Variants in SOX6 observed in about 807,000 individuals in gnomAD.
The protein encoded by SOX6 is transcription factor SOX-6.
In SOX6, 11 loss-of-function variants were observed where a neutral mutation model predicts 97.8. That is an observed-to-expected ratio of 0.11 (90% confidence interval 0.07 to 0.19). The LOEUF (loss-of-function observed/expected upper bound fraction) is 0.19, where lower values mean the gene tolerates loss of function less well. Ranked by LOEUF, SOX6 falls within the 10% of genes least tolerant of loss-of-function variation. The probability of loss-of-function intolerance (pLI) is 1.00; values close to 1 mark genes in which losing one functional copy is unlikely to be tolerated. For synonymous variants in SOX6, 360 were observed against 371.4 expected, an observed-to-expected ratio of 0.97 and a Z score of 0.35; for missense variants, 810 against 1,039.5, an observed-to-expected ratio of 0.78 and a Z score of 3.04.
At position 16,234,465 on chromosome 11, in the gene SOX6, C is replaced by A. The variant is rs569129676; in HGVS notation, c.535+117G>T. 2.3e-5 allele frequency: 15 copies of A among 652,698 alleles called. No individual in the cohort carries two copies. The African/African-American group carries it at 2.4e-4, about 10-fold the overall frequency. The allele number at this position is 652,698 out of a possible 1,614,324, so 40.4% of individuals were successfully genotyped here. ...CCTATAATATTCACCCTCTCATGTA[C>A]AATCAAATGTTACATGTAAGATTTA... On this transcript the variant is annotated intron_variant, in intron 4 of 15. Transcript: ENST00000683767.
chr11:16,482,960 T>C (rs1297407980), intron 4 of SOX6, among the ~76,000 whole-genome samples: 2 of 152,254 alleles, frequency 1.3e-5, no homozygotes, highest in African/African-American at 4.8e-5. Context: ...TGTCTTAATG[T>C]GTGCTAAGGC....
intron 1 of SOX6, among the ~76,000 whole-genome samples, chr11:16,432,453 G>A (rs889192644): frequency 6.6e-6 from 1 of 152,038 alleles, no homozygotes; most frequent in African/African-American, 2.4e-5. Flanking sequence ...TCACTCTTAA[G>A]AGTTTTAAAT....
intron 3 of SOX6, among the ~76,000 whole-genome samples, chr11:16,651,601 A>C (rs1449716379): frequency 6.6e-6 from 1 of 152,036 alleles, no homozygotes; most frequent in African/African-American, 2.4e-5. Context: ...CCTCAGCAAA[A>C]TTGGCATAGA....
intron 13 of SOX6, among the ~76,000 whole-genome samples, chr11:15,990,025 G>A (rs1391135588): frequency 1.1e-4 from 17 of 152,082 alleles, no homozygotes; most frequent in Non-Finnish European, 2.2e-4. Context: ...GTGGGAGAGG[G>A]AGTAAAGTCT....
chr11:16,706,692 G>A (rs896015254), intron 3 of SOX6, among the ~76,000 whole-genome samples: 3 of 150,248 alleles, frequency 2.0e-5, no homozygotes, highest in African/African-American at 7.4e-5. Flanking sequence ...TGGGTCTGGA[G>A]GGGGAGAGGA....
intron 2 of SOX6, among the ~76,000 whole-genome samples, chr11:16,330,610 A>G (rs1039631027): frequency 6.6e-6 from 1 of 152,098 alleles, no homozygotes; most frequent in Admixed American, 6.6e-5. Context: ...TCATGTGCCT[A>G]CCAACTCTAG....
chr11:16,404,925 T>C (rs1405520458), intron 1 of SOX6, among the ~76,000 whole-genome samples: 1 of 152,042 alleles, frequency 6.6e-6, no homozygotes, highest in Non-Finnish European at 1.5e-5. Context: ...CCAGTGCTTC[T>C]TTCTCCAATC....
chr11:16,281,523 G>T lies in SOX6; in HGVS notation c.445+36923C>A, dbSNP rs1207243732. ...ACTGTATTTGTCAGACATAATCAAA[G>T]CTTTCAGGAATAGTGGAAGTGATTG... On this transcript the variant is annotated intron_variant, in intron 3 of 15. Transcript: ENST00000683767. 3.3e-5 allele frequency among the ~76,000 whole-genome samples: 5 copies of T among 152,048 alleles called. No homozygotes were observed. In the East Asian group the frequency reaches 5.8e-4, roughly 18 times the overall value.
intron 4 of SOX6, among the ~76,000 whole-genome samples, chr11:16,496,783 C>T (rs867518970): frequency 1.5e-4 from 23 of 152,186 alleles, no homozygotes; most frequent in African/African-American, 5.3e-4. Context: ...GGGCACACAC[C>T]ACTGCTGAGG....
At chr11:16,152,592 T>G (rs1850486381) in intron 6 of SOX6, among the ~76,000 whole-genome samples, 1 of 152,254 alleles carries the variant, frequency 6.6e-6, no homozygotes, top group South Asian at 2.1e-4. Flanking sequence ...GCCAAGATGG[T>G]CTTGATAAAC....
chr11:16,590,331 A>G (rs1402376317), intron 4 of SOX6, among the ~76,000 whole-genome samples: 1 of 152,204 alleles, frequency 6.6e-6, no homozygotes, highest in Non-Finnish European at 1.5e-5. Context: ...TACCATCTCA[A>G]CAACAAGTTC....
At chr11:16,076,007 A>G (rs919206851) in intron 9 of SOX6, among the ~76,000 whole-genome samples, 1 of 152,106 alleles carries the variant, frequency 6.6e-6, no homozygotes. Context: ...GGGGGCTACA[A>G]TTCAAGATGA....
intron 3 of SOX6, among the ~76,000 whole-genome samples, chr11:16,262,842 T>TA (rs1853943731): frequency 6.6e-6 from 1 of 152,022 alleles, no homozygotes; most frequent in African/African-American, 2.4e-5. Flanking sequence ...GAGTTTGATG[T>TA]AAGAATCTTA....
At chr11:15,986,082 C>T (rs1454860209) in intron 15 of SOX6, 122 bp downstream of exon 15, 4 of 933,848 alleles carry the variant, frequency 4.3e-6, no homozygotes, top group Non-Finnish European at 7.1e-6. Context: ...ATGGCCAAGC[C>T]CCTTCAGTAT....
intron 4 of SOX6, among the ~76,000 whole-genome samples, chr11:16,531,535 A>ATTCCTATTT (rs1466714165): frequency 6.6e-6 from 1 of 151,844 alleles, no homozygotes; most frequent in Non-Finnish European, 1.5e-5. Flanking sequence ...TAAATATTAC[A>ATTCCTATTT]TTCCTATTTT....
intron 1 of SOX6, among the ~76,000 whole-genome samples, chr11:16,374,981 T>C (rs1857605709): frequency 6.6e-6 from 1 of 152,008 alleles, no homozygotes; most frequent in South Asian, 2.1e-4. Flanking sequence ...TCCAAATTCA[T>C]AAAATGAAAG....
At chr11:16,663,887 T>C (rs1483708454) in intron 3 of SOX6, among the ~76,000 whole-genome samples, 1 of 152,198 alleles carries the variant, frequency 6.6e-6, no homozygotes, top group African/African-American at 2.4e-5. Flanking sequence ...TCTTACAAAA[T>C]CATTTTAATA....
intron 4 of SOX6, among the ~76,000 whole-genome samples, chr11:16,187,354 G>A (rs762867819): frequency 6.6e-6 from 1 of 152,122 alleles, no homozygotes; most frequent in Non-Finnish European, 1.5e-5. Context: ...GTGACTAACA[G>A]TATCTAAGAC....
At chr11:16,427,119 CA>C (rs1859157677) in intron 1 of SOX6, among the ~76,000 whole-genome samples, 1 of 151,828 alleles carries the variant, frequency 6.6e-6, no homozygotes, top group Admixed American at 6.6e-5. Flanking sequence ...CAAAAATTGA[CA>C]AATGGGATCT....
Sources: gnomAD v4.1 joint callset for allele counts (sites outside exome capture counted in the v4.1 genomes callset) on GRCh38, gnomAD v4.1.1 for gene constraint, MANE v1.5 for transcripts, NCBI Gene and HGNC (gene_info 2026-07-23, HGNC 2026-07-21) for gene names.